The following XKR4 variants were observed in gnomAD, a reference collection of about 807,000 sequenced individuals.
XKR4 encodes XK related 4.
Under a neutral mutation model 53.9 loss-of-function variants are expected in XKR4, and 12 were observed. The ratio of observed to expected loss-of-function variants is 0.22; its 90% CI spans 0.14 to 0.36. The LOEUF (loss-of-function observed/expected upper bound fraction) is 0.36. Ranked by LOEUF, XKR4 falls within the 10% of genes least tolerant of loss-of-function variation. The probability of loss-of-function intolerance (pLI) is 1.00; values close to 1 mark genes in which losing one functional copy is unlikely to be tolerated. For missense variants in XKR4, 799 were observed against 859.5 expected, an observed-to-expected ratio of 0.93 and a Z score of 0.88; for synonymous variants, 354 against 362.4, an observed-to-expected ratio of 0.98 and a Z score of 0.26.
chr8:55,469,637 A>T (rs1195281821), intron 2 of XKR4, among the ~76,000 whole-genome samples: 2 of 152,050 alleles, frequency 1.3e-5, no homozygotes, highest in Non-Finnish European at 1.5e-5. Context: ...AGCAGAACTT[A>T]AAAAAAATTA....
chr8:55,468,261 C>T (rs1293114030), intron 2 of XKR4, among the ~76,000 whole-genome samples: 1 of 152,002 alleles, frequency 6.6e-6, no homozygotes, highest in Non-Finnish European at 1.5e-5. Flanking sequence ...GGAAATATAC[C>T]ACATCATTCT....
intron 2 of XKR4, among the ~76,000 whole-genome samples, chr8:55,448,586 TTTTA>T (rs1420028506): frequency 6.6e-6 from 1 of 152,216 alleles, no homozygotes; most frequent in Non-Finnish European, 1.5e-5. Flanking sequence ...AACTAGCACA[TTTTA>T]TTTATTTTTC....
intron 1 of XKR4, among the ~76,000 whole-genome samples, chr8:55,269,847 C>T (rs2129372335): frequency 6.6e-6 from 1 of 152,090 alleles, no homozygotes; most frequent in Middle Eastern, 3.4e-3. Context: ...CATTGAGGGA[C>T]CCTATATATG....
chr8:55,289,591 GAGAAAGAAAGAA>G (rs747365935), intron 1 of XKR4, among the ~76,000 whole-genome samples: 698 of 67,350 alleles, frequency 0.01, 11 homozygotes, highest in South Asian at 0.015. Context: ...AAGAAAGAAA[GAGAAAGAAAGAA>G]AGAAAGAAAG....
intron 1 of XKR4, among the ~76,000 whole-genome samples, chr8:55,139,150 A>G (rs913997552): frequency 3.9e-5 from 6 of 152,186 alleles, no homozygotes; most frequent in African/African-American, 1.4e-4. Flanking sequence ...GTTTCATCCT[A>G]TTAAAAAGGG....
intron 2 of XKR4, among the ~76,000 whole-genome samples, chr8:55,362,904 C>T (rs923552105): frequency 4.6e-5 from 7 of 152,174 alleles, no homozygotes; most frequent in Admixed American, 2.6e-4. Flanking sequence ...TGTAGAATCA[C>T]GGCACATAGC....
chr8:55,490,075 T>G (rs1211919520), intron 2 of XKR4, among the ~76,000 whole-genome samples: 1 of 152,164 alleles, frequency 6.6e-6, no homozygotes, highest in Non-Finnish European at 1.5e-5. Context: ...TCTTTACCAT[T>G]TCTGACACTC....
At chr8:55,191,726 G>A (rs1371769974) in intron 1 of XKR4, among the ~76,000 whole-genome samples, 1 of 138,052 alleles carries the variant, frequency 7.2e-6, no homozygotes, top group Non-Finnish European at 1.6e-5. Flanking sequence ...GTTTTTAATA[G>A]TAAAATTTTA....
Position 55,519,063 on chromosome 8 carries a change from G to A in XKR4, c.1007-4218G>A, listed in dbSNP as rs182338621. On this transcript the variant is annotated intron_variant, in intron 2 of 2. Transcript: ENST00000327381. Reference sequence around the variant, plus strand: ...TTTAGGAAGTAGGAGAGTTCGCTTTGGAGAAGGACAATTTTCACCCAAGAT... The same window carrying A: ...TTTAGGAAGTAGGAGAGTTCGCTTTAGAGAAGGACAATTTTCACCCAAGAT... 9.8e-5 allele frequency among the ~76,000 whole-genome samples: 15 copies of A among 152,312 alleles called. No homozygotes were observed. The South Asian group carries it at 1.7e-3, about 17-fold the overall frequency.
intron 1 of XKR4, among the ~76,000 whole-genome samples, chr8:55,238,103 G>A (rs1818159384): frequency 6.6e-6 from 1 of 152,156 alleles, no homozygotes; most frequent in African/African-American, 2.4e-5. Context: ...TTAATTTGTA[G>A]GCAAAGCAAC....
At chr8:55,248,400 AC>A (rs1818318908) in intron 1 of XKR4, among the ~76,000 whole-genome samples, 1 of 152,246 alleles carries the variant, frequency 6.6e-6, no homozygotes, top group African/African-American at 2.4e-5. Flanking sequence ...AATTGCCTCT[AC>A]CTGCATCATA....
chr8:55,404,605 A>AT (rs1804658002), intron 2 of XKR4, among the ~76,000 whole-genome samples: 1 of 152,190 alleles, frequency 6.6e-6, no homozygotes, highest in Admixed American at 6.5e-5. Flanking sequence ...CCCACTTGTT[A>AT]TTTTAATTTC....
chr8:55,365,883 G>C (rs914683465), intron 2 of XKR4, among the ~76,000 whole-genome samples: 6 of 152,172 alleles, frequency 3.9e-5, no homozygotes, highest in Non-Finnish European at 8.8e-5. Context: ...CTAGGGAAGG[G>C]TACTGCCTGA....
chr8:55,278,340 A>G (rs1404547062), intron 1 of XKR4, among the ~76,000 whole-genome samples: 3 of 151,630 alleles, frequency 2.0e-5, no homozygotes, highest in Non-Finnish European at 4.4e-5. Context: ...CTGTCTAAAA[A>G]AAAAAAAAAA....
At chr8:55,361,335 G>A (rs868447496) in intron 2 of XKR4, among the ~76,000 whole-genome samples, 1 of 152,102 alleles carries the variant, frequency 6.6e-6, no homozygotes, top group Non-Finnish European at 1.5e-5. Flanking sequence ...GGAGAAGGAG[G>A]GAGGGAGACC....
chr8:55,451,694 G>A (rs1805449732), intron 2 of XKR4: 1 of 1,434,312 alleles, frequency 7.0e-7, no homozygotes, highest in Non-Finnish European at 9.7e-7. Flanking sequence ...GGGTACCTGC[G>A]GTAGATGGCA....
chr8:55,477,172 C>G (rs1167548693), intron 2 of XKR4, among the ~76,000 whole-genome samples: 4 of 152,038 alleles, frequency 2.6e-5, no homozygotes, highest in African/African-American at 9.7e-5. Context: ...CTCACACAGC[C>G]GGATACTCCT....
intron 2 of XKR4, among the ~76,000 whole-genome samples, chr8:55,458,711 G>A (rs377399485): frequency 1.3e-5 from 2 of 152,324 alleles, no homozygotes; most frequent in Admixed American, 6.5e-5. Context: ...CTTCTCTGAG[G>A]TCCTACTGTC....
chr8:55,111,844 T>A (rs1279645303), intron 1 of XKR4, among the ~76,000 whole-genome samples: 1 of 152,168 alleles, frequency 6.6e-6, no homozygotes, highest in Non-Finnish European at 1.5e-5. Context: ...TAGATTTGCT[T>A]TTAAATTAAA....
Sources: allele counts gnomAD v4.1 joint callset (sites outside exome capture counted in the v4.1 genomes callset), GRCh38; gene constraint gnomAD v4.1.1; transcripts MANE v1.5; gene names NCBI Gene and HGNC (gene_info 2026-07-23, HGNC 2026-07-21).